The following ZNF423 variants were observed in gnomAD, a reference collection of about 807,000 sequenced individuals.
ZNF423 encodes zinc finger protein 423, also known as Ebf-associated zinc finger protein.
In ZNF423, 12 loss-of-function variants were observed where a neutral mutation model predicts 95.8. That is an observed-to-expected ratio of 0.13 (90% confidence interval 0.08 to 0.20). The LOEUF is 0.20. Among genes scored for constraint, ZNF423 ranks in the 10% least tolerant of loss-of-function variants. The pLI is 1.00. For missense variants in ZNF423, 1,316 were observed against 1,737.1 expected, an observed-to-expected ratio of 0.76 and a Z score of 4.31; for synonymous variants, 749 against 711.9, an observed-to-expected ratio of 1.05 and a Z score of -0.83.
chr16:49,814,137 G>A (rs2034798949), intron 1 of ZNF423, among the ~76,000 whole-genome samples: 1 of 150,980 alleles, frequency 6.6e-6, no homozygotes, highest in African/African-American at 2.4e-5. Flanking sequence ...AGGAGCCGGG[G>A]CTTCGGAGAC....
intron 2 of ZNF423, among the ~76,000 whole-genome samples, chr16:49,735,798 T>A (rs1179953530): frequency 6.6e-6 from 1 of 152,134 alleles, no homozygotes; most frequent in Non-Finnish European, 1.5e-5. Flanking sequence ...ATCTTGGACA[T>A]CCCACCCCAA....
chr16:49,493,139 T>A (rs998394173), intron 7 of ZNF423, among the ~76,000 whole-genome samples: 2 of 152,102 alleles, frequency 1.3e-5, no homozygotes, highest in African/African-American at 4.8e-5. Context: ...CCTGTACTTG[T>A]GCAGGGACAG....
upstream of ZNF423, among the ~76,000 whole-genome samples, chr16:49,858,947 G>T (rs1421827539): frequency 6.6e-6 from 1 of 152,292 alleles, no homozygotes; most frequent in Admixed American, 6.5e-5. This position sits in a 1 kb window ranked among gnomAD's most constrained non-coding sequence, Gnocchi z 4.3. Context: ...ATTGGCCTCG[G>T]CTCTGGGGTG....
At chr16:49,835,137 C>T (rs1450631119) in intron 1 of ZNF423, among the ~76,000 whole-genome samples, 1 of 152,094 alleles carries the variant, frequency 6.6e-6, no homozygotes, top group African/African-American at 2.4e-5. Context: ...CCTTGGGGGG[C>T]TCCCTCTTCT....
intron 5 of ZNF423, among the ~76,000 whole-genome samples, chr16:49,563,659 T>C (rs1457564159): frequency 6.6e-6 from 1 of 152,166 alleles, no homozygotes; most frequent in Non-Finnish European, 1.5e-5. Context: ...CAGAGCCACG[T>C]CTTTGGCCTC....
chr16:49,761,721 C>T (rs2033836015), intron 2 of ZNF423, among the ~76,000 whole-genome samples: 1 of 152,204 alleles, frequency 6.6e-6, no homozygotes, highest in African/African-American at 2.4e-5. Context: ...CTCCCACTAA[C>T]CAGCTAATTC....
intron 1 of ZNF423, chr16:49,847,213 C>T (rs1597061074): frequency 6.6e-6 from 1 of 152,332 alleles, no homozygotes; most frequent in East Asian, 1.9e-4. Context: ...GTTTGCAAAG[C>T]CTAGACCTTT....
intron 3 of ZNF423, among the ~76,000 whole-genome samples, chr16:49,640,335 C>T (rs1972929570): frequency 6.6e-6 from 1 of 151,972 alleles, no homozygotes; most frequent in Non-Finnish European, 1.5e-5. Flanking sequence ...CATTCATTCA[C>T]ACCATCACTC....
intron 2 of ZNF423, among the ~76,000 whole-genome samples, chr16:49,731,813 A>G (rs1214763007): frequency 2.0e-5 from 3 of 152,090 alleles, no homozygotes; most frequent in Non-Finnish European, 4.4e-5. Flanking sequence ...TAAAAAATAT[A>G]AAATAAAATA....
chr16:49,536,805 T>C (rs1028368081), intron 5 of ZNF423, among the ~76,000 whole-genome samples: 38 of 152,358 alleles, frequency 2.5e-4, no homozygotes, highest in African/African-American at 7.7e-4. Flanking sequence ...TGACTACCAC[T>C]CTGGGTAGTA....
chr16:49,794,248 T>G (rs574083426), intron 1 of ZNF423, among the ~76,000 whole-genome samples: 115 of 151,558 alleles, frequency 7.6e-4, no homozygotes, highest in African/African-American at 2.4e-3. Flanking sequence ...TTTTTTTTTT[T>G]TGTGGAGACA....
At position 49,678,238 on chromosome 16, in the gene ZNF423, T is replaced by A. The variant is rs146566300; in HGVS notation, c.302-39364A>T. Among the ~76,000 whole-genome samples, 472 of 151,988 alleles carry A rather than the reference T, an allele frequency of 3.1e-3. 10 individuals carry two copies. The South Asian group carries it at 0.059, about 19-fold the overall frequency. ...GAATGTATGTGTTTTATTTTTTTTT[T>A]AAAGCTACTATGCTGTTAGGACATA... On this transcript the variant is annotated intron_variant, in intron 3 of 7. Coordinates refer to ENST00000563137, the MANE Select transcript of ZNF423 (RefSeq NM_001379286.1).
At chr16:49,745,914 T>C (rs924509906) in intron 2 of ZNF423, among the ~76,000 whole-genome samples, 1 of 152,284 alleles carries the variant, frequency 6.6e-6, no homozygotes, top group Non-Finnish European at 1.5e-5. Context: ...CCCAGTGAAC[T>C]ATCCCCTCAC....
chr16:49,563,800 C>T (rs1052839627), intron 5 of ZNF423, among the ~76,000 whole-genome samples: 2 of 152,236 alleles, frequency 1.3e-5, no homozygotes, highest in African/African-American at 4.8e-5. Context: ...CTGGTATGGC[C>T]AGCTCAGGAA....
intron 5 of ZNF423, among the ~76,000 whole-genome samples, chr16:49,615,472 A>C (rs1169748212): frequency 6.6e-6 from 1 of 152,100 alleles, no homozygotes; most frequent in Non-Finnish European, 1.5e-5. Flanking sequence ...GGGCTGAAAA[A>C]GGCAGGGTGG....
At chr16:49,590,093 C>T (rs1029250627) in intron 5 of ZNF423, among the ~76,000 whole-genome samples, 1 of 144,092 alleles carries the variant, frequency 6.9e-6, no homozygotes, top group Non-Finnish European at 1.5e-5. Flanking sequence ...CCTTTCCCTG[C>T]GCAAGGTACT....
At position 49,815,881 on chromosome 16, in the gene ZNF423, A is replaced by ATAT. The variant is rs1555488161; in HGVS notation, c.41-26336_41-26335insATA. 2.2e-3 allele frequency among the ~76,000 whole-genome samples: 106 copies of ATAT among 47,500 alleles called. 1 individual carries two copies. The highest frequency in any genetic ancestry group is 4.4e-3 in the East Asian group (5 of 1,148). 31.2% of individuals were successfully genotyped at this position (47,500 alleles called of 152,430 possible). On this transcript the variant is annotated intron_variant, in intron 1 of 7. Transcript: ENST00000563137. ...TAATTCCAAACAAACAAAAAAAAAA[A>ATAT]ATATATATATATATATATATATATA...
intron 5 of ZNF423, among the ~76,000 whole-genome samples, chr16:49,528,614 A>G (rs1968711465): frequency 6.6e-6 from 1 of 152,198 alleles, no homozygotes; most frequent in Non-Finnish European, 1.5e-5. Flanking sequence ...GGGTTCCCGC[A>G]GAGCTGGGAC....
At chr16:49,494,948 TGCCTGTGCTATATTTA>T (rs59496418) in intron 7 of ZNF423, among the ~76,000 whole-genome samples, 18,604 of 152,282 alleles carry the variant, frequency 0.12, 1,380 homozygotes, top group African/African-American at 0.21. Context: ...TCTCTGTTTA[TGCCTGTGCTATATTTA>T]GCCCCTTTAG....
Sources: allele counts gnomAD v4.1 joint callset (sites outside exome capture counted in the v4.1 genomes callset), GRCh38; gene constraint gnomAD v4.1.1; non-coding constraint Gnocchi (gnomAD v3.1); transcripts MANE v1.5; gene names NCBI Gene and HGNC (gene_info 2026-07-23, HGNC 2026-07-21).